The following CHCHD6 variants were observed in gnomAD, a reference collection of about 807,000 sequenced individuals.
The protein encoded by CHCHD6 is coiled-coil-helix-coiled-coil-helix domain containing 6.
CHCHD6 carries 28 observed loss-of-function variants against 32.3 expected under a neutral mutation model. The ratio of observed to expected loss-of-function variants is 0.87; its 90% CI spans 0.64 to 1.19. CHCHD6 has a LOEUF of 1.19. Among genes scored for constraint, CHCHD6 ranks in the 50% most tolerant of loss-of-function variants. The probability of loss-of-function intolerance (pLI) is 0.00; values close to 1 mark genes in which losing one functional copy is unlikely to be tolerated. For missense variants in CHCHD6, 333 were observed against 307.0 expected (o/e 1.08, Z -0.63); for synonymous variants, 122 against 117.5 (o/e 1.04, Z -0.25).
chr3:126,957,056 G>A (rs1036078521), intron 6 of CHCHD6: 8 of 316,190 alleles, frequency 2.5e-5, no homozygotes, highest in East Asian at 1.3e-4. Context: ...ACAGCGGGGC[G>A]GGTTGTCCTG....
intron 5 of CHCHD6, among the ~76,000 whole-genome samples, chr3:126,869,566 A>G (rs1463524335): frequency 1.3e-5 from 2 of 151,612 alleles, no homozygotes; most frequent in South Asian, 2.1e-4. Context: ...GGGCCTTTGT[A>G]TTTCTTCTTT....
At chr3:126,878,061 C>G (rs2077563210) in intron 5 of CHCHD6, among the ~76,000 whole-genome samples, 2 of 152,140 alleles carry the variant, frequency 1.3e-5, no homozygotes, top group Non-Finnish European at 1.5e-5. Flanking sequence ...AGCAAATGAG[C>G]ACTGGTGTCA....
chr3:126,805,532 C>G lies in CHCHD6; in HGVS notation c.412-47115C>G, dbSNP rs576384386. Among the ~76,000 whole-genome samples the G allele has an allele frequency of 8.5e-5, 13 of 152,172 alleles. No homozygotes were observed. In the South Asian group the frequency reaches 2.5e-3, roughly 29 times the overall value. ...CCTCTTCAAGGAGAACTACAAACCA[C>G]TGCTCAAGGAAATAAAAGAGGATAC... is the stretch of plus-strand genomic sequence containing the variant. On this transcript the variant is annotated intron_variant, in intron 4 of 7. Coordinates refer to ENST00000290913, the MANE Select transcript of CHCHD6 (RefSeq NM_032343.3).
chr3:126,832,858 C>A (rs1282232246), intron 4 of CHCHD6, among the ~76,000 whole-genome samples: 1 of 152,074 alleles, frequency 6.6e-6, no homozygotes, highest in Non-Finnish European at 1.5e-5. Context: ...GGAGAAGGGA[C>A]CACAAGAGGG....
At chr3:126,913,179 C>T (rs1049415532) in intron 5 of CHCHD6, among the ~76,000 whole-genome samples, 6 of 126,424 alleles carry the variant, frequency 4.7e-5, no homozygotes, top group Middle Eastern at 5.7e-3. Flanking sequence ...ATCTGTAGAA[C>T]GGGGATAATC....
At chr3:126,910,273 G>GAAAAAAAACAAAAC (rs1553756147) in intron 5 of CHCHD6, among the ~76,000 whole-genome samples, 4 of 111,456 alleles carry the variant, frequency 3.6e-5, no homozygotes, top group East Asian at 2.7e-4. Flanking sequence ...CCTGCCTCAG[G>GAAAAAAAACAAAAC]AAAAAAAAAA....
intron 6 of CHCHD6, among the ~76,000 whole-genome samples, chr3:126,934,361 C>T (rs1316733238): frequency 6.6e-6 from 1 of 152,026 alleles, no homozygotes; most frequent in African/African-American, 2.4e-5. Context: ...CCCATTAGCT[C>T]TACAAACAGG....
At chr3:126,806,375 A>T (rs1389275529) in intron 4 of CHCHD6, among the ~76,000 whole-genome samples, 2 of 152,106 alleles carry the variant, frequency 1.3e-5, no homozygotes, top group Non-Finnish European at 2.9e-5. Flanking sequence ...ACCCCATCAA[A>T]AAGTGGGCAA....
intron 4 of CHCHD6, among the ~76,000 whole-genome samples, chr3:126,771,942 G>C (rs542739237): frequency 1.3e-5 from 2 of 152,294 alleles, no homozygotes; most frequent in African/African-American, 4.8e-5. Context: ...AGTTGTTTTT[G>C]GGTGGAGAGT....
chr3:126,767,364 A>T, intron 4 of CHCHD6: 1 of 808,152 alleles, frequency 1.2e-6, no homozygotes, highest in Non-Finnish European at 2.2e-6. Flanking sequence ...CATGCTGCAG[A>T]CATGATCACT....
chr3:126,745,610 T>C (rs1391182686), intron 4 of CHCHD6, among the ~76,000 whole-genome samples: 1 of 152,134 alleles, frequency 6.6e-6, no homozygotes, highest in Non-Finnish European at 1.5e-5. Context: ...CAGAGTGCTT[T>C]TGAGTGCAGG....
At position 126,730,546 on chromosome 3, in the gene CHCHD6, C is replaced by T. The variant is rs747822977; in HGVS notation, c.197-15C>T. On this transcript the variant is annotated splice_polypyrimidine_tract_variant and intron_variant, in intron 2 of 7. Coordinates refer to ENST00000290913, the MANE Select transcript of CHCHD6 (RefSeq NM_032343.3). The stretch of plus-strand genomic sequence containing the variant: ...GGGTGCCACTGACAGGCCCTTTCTT[C>T]TCTTTCCTTTGCAGAATCCACACTG... 1 of 1,612,422 alleles carries T rather than the reference C, an allele frequency of 6.2e-7. No individual in the cohort carries two copies. The highest frequency in any genetic ancestry group is 8.5e-7 in the Non-Finnish European group (1 of 1,179,052).
intron 1 of CHCHD6, among the ~76,000 whole-genome samples, chr3:126,718,519 C>T (rs1935130623): frequency 6.6e-6 from 1 of 152,234 alleles, no homozygotes; most frequent in African/African-American, 2.4e-5. Context: ...CAAACCTGGG[C>T]TGGTCTGACT....
At chr3:126,937,341 A>G (rs2078495044) in intron 6 of CHCHD6, among the ~76,000 whole-genome samples, 1 of 152,218 alleles carries the variant, frequency 6.6e-6, no homozygotes, top group Non-Finnish European at 1.5e-5. Flanking sequence ...GACCAGGAAG[A>G]AGCAGCCTGG....
chr3:126,804,743 C>CA (rs1035216733), intron 4 of CHCHD6, among the ~76,000 whole-genome samples: 20 of 151,530 alleles, frequency 1.3e-4, no homozygotes, highest in Non-Finnish European at 2.7e-4. Context: ...AGAGACACAA[C>CA]AAAAAAAAGA....
rs1937404981 is a variant in CHCHD6, at chr3:126,767,105, C to T, written c.411+33883C>T. ...CCGCCGTGCCCGGGCGATGAACTTC[C>T]CATCCGAGTTGTGTCCCAGCTGACC... On this transcript the variant is annotated intron_variant, in intron 4 of 7. Coordinates refer to ENST00000290913, the MANE Select transcript of CHCHD6 (RefSeq NM_032343.3). 4 of 1,398,938 alleles carry T rather than the reference C, an allele frequency of 2.9e-6. 1 individual carries two copies. Among genetic ancestry groups the T allele is most frequent in the South Asian group, 2.3e-5 (2 of 86,564 alleles). 86.7% of individuals were successfully genotyped at this position (1,398,938 alleles called of 1,614,324 possible). A position where few individuals can be genotyped will look rare whatever the true frequency, so the allele number is the denominator to read the frequency against.
intron 6 of CHCHD6, among the ~76,000 whole-genome samples, chr3:126,932,546 A>C (rs1453179596): frequency 1.3e-5 from 2 of 152,142 alleles, no homozygotes; most frequent in Non-Finnish European, 2.9e-5. Flanking sequence ...TTCTTCCCAG[A>C]GTTAGGGCCC....
intron 5 of CHCHD6, among the ~76,000 whole-genome samples, chr3:126,857,419 T>A (rs913718913): frequency 6.6e-6 from 1 of 152,216 alleles, no homozygotes; most frequent in Admixed American, 6.5e-5. Flanking sequence ...TCCCTGTACC[T>A]TTCAGATGCT....
At chr3:126,828,526 C>G (rs1249797210) in intron 4 of CHCHD6, among the ~76,000 whole-genome samples, 1 of 152,224 alleles carries the variant, frequency 6.6e-6, no homozygotes, top group Non-Finnish European at 1.5e-5. Flanking sequence ...AGAGGCCACT[C>G]TGAAATCTGG....
Sources: gnomAD v4.1 joint callset for allele counts (sites outside exome capture counted in the v4.1 genomes callset) on GRCh38, gnomAD v4.1.1 for gene constraint, MANE v1.5 for transcripts, NCBI Gene and HGNC (gene_info 2026-07-23, HGNC 2026-07-21) for gene names.